Variants in EXOC4 observed in about 807,000 individuals in gnomAD.
EXOC4 encodes the protein SEC8-like 1.
Under a neutral mutation model 107.2 loss-of-function variants are expected in EXOC4, and 71 were observed. The observed-to-expected ratio is 0.66, with a 90% CI of 0.55 to 0.81. EXOC4 has a LOEUF of 0.81. EXOC4 is among the 30% of genes least tolerant of loss of function. The pLI, the probability that EXOC4 is intolerant of heterozygous loss-of-function variation, is 0.00. For synonymous variants in EXOC4, 456 were observed against 441.2 expected, an observed-to-expected ratio of 1.03 and a Z score of -0.42; for missense variants, 1,108 against 1,189.6, an observed-to-expected ratio of 0.93 and a Z score of 1.01.
intron 11 of EXOC4, among the ~76,000 whole-genome samples, chr7:133,865,258 A>T (rs1798612737): frequency 1.3e-5 from 2 of 152,174 alleles, no homozygotes; most frequent in African/African-American, 4.8e-5. Context: ...AGAATAAGAA[A>T]TTCATTGGCA....
intron 17 of EXOC4, among the ~76,000 whole-genome samples, chr7:134,033,244 A>G (rs889497996): frequency 6.6e-6 from 1 of 152,188 alleles, no homozygotes; most frequent in Admixed American, 6.5e-5. Flanking sequence ...AATTTTCTAG[A>G]CATAAAAATA....
chr7:133,654,910 A>C (rs2151039000), intron 10 of EXOC4, among the ~76,000 whole-genome samples: 1 of 152,280 alleles, frequency 6.6e-6, no homozygotes, highest in South Asian at 2.1e-4. Context: ...TTAAACATCT[A>C]AATATAGAAA....
the EXOC4 span, among the ~76,000 whole-genome samples, chr7:134,082,439 T>A: frequency 6.6e-6 from 1 of 152,140 alleles, no homozygotes; most frequent in Non-Finnish European, 1.5e-5. Context: ...AACCTAGTTT[T>A]TATAGTTGTT....
chr7:133,701,262 A>C (rs1794650147), intron 10 of EXOC4, among the ~76,000 whole-genome samples: 1 of 152,212 alleles, frequency 6.6e-6, no homozygotes, highest in Non-Finnish European at 1.5e-5. Context: ...AGTGCAAGAG[A>C]CTTCATAATT....
At chr7:133,657,446 G>A (rs1296919428) in intron 10 of EXOC4, among the ~76,000 whole-genome samples, 2 of 152,078 alleles carry the variant, frequency 1.3e-5, no homozygotes, top group Non-Finnish European at 2.9e-5. Flanking sequence ...TTACTAAAGA[G>A]GGTCATTATA....
intron 7 of EXOC4, among the ~76,000 whole-genome samples, chr7:133,446,741 T>C (rs941220897): frequency 2.0e-5 from 3 of 152,216 alleles, no homozygotes; most frequent in Non-Finnish European, 4.4e-5. Context: ...TCAGAAGCCA[T>C]GGACTGGATC....
chr7:133,261,673 T>G (rs1260820931), intron 1 of EXOC4, among the ~76,000 whole-genome samples: 1 of 152,210 alleles, frequency 6.6e-6, no homozygotes, highest in African/African-American at 2.4e-5. Flanking sequence ...CAATTTGGTC[T>G]TCTCAGGCCT....
At chr7:133,338,815 G>A (rs890781203) in intron 5 of EXOC4, among the ~76,000 whole-genome samples, 26 of 146,780 alleles carry the variant, frequency 1.8e-4, no homozygotes, top group African/African-American at 6.5e-4. Context: ...GTGCAATGGG[G>A]CGATCTCAGC....
At chr7:133,671,375 C>T (rs1472041380) in intron 10 of EXOC4, among the ~76,000 whole-genome samples, 1 of 151,944 alleles carries the variant, frequency 6.6e-6, no homozygotes, top group African/African-American at 2.4e-5. Flanking sequence ...ACCAGCCTGG[C>T]CAACATGGCG....
chr7:133,293,834 C>T (rs1009780523), intron 3 of EXOC4, among the ~76,000 whole-genome samples: 4 of 152,114 alleles, frequency 2.6e-5, no homozygotes, highest in South Asian at 4.1e-4. Context: ...AGCCTGTATC[C>T]GTCACATTGA....
At chr7:134,054,797 A>G (rs980890288) in intron 17 of EXOC4, among the ~76,000 whole-genome samples, 1 of 152,250 alleles carries the variant, frequency 6.6e-6, no homozygotes, top group African/African-American at 2.4e-5. Context: ...TAGTCTTTTC[A>G]TCCACCAAAT....
rs559621651 is a variant in EXOC4, at chr7:133,849,757, C to T, written c.1734+32213C>T. Among the ~76,000 whole-genome samples the T allele has an allele frequency of 2.0e-5, 3 of 152,296 alleles. No homozygotes were observed. In the South Asian group the frequency reaches 6.2e-4, roughly 32 times the overall value. Reference sequence around the variant, plus strand: ...TTGCTCACCATTGTATCTCTAATGCCTAACACGTAGTAGGTACTCAAGTAT... The same window carrying T: ...TTGCTCACCATTGTATCTCTAATGCTTAACACGTAGTAGGTACTCAAGTAT... On this transcript the variant is annotated intron_variant, in intron 11 of 17. Coordinates refer to ENST00000253861, the MANE Select transcript of EXOC4 (RefSeq NM_021807.4).
At position 133,971,619 on chromosome 7, in the gene EXOC4, G is replaced by A. The variant is rs552990048; in HGVS notation, c.2207-25873G>A. Among the ~76,000 whole-genome samples, 20 of 151,878 alleles carry A rather than the reference G, an allele frequency of 1.3e-4. No individual in the cohort carries two copies. The South Asian group carries it at 2.1e-3, about 16-fold the overall frequency. On this transcript the variant is annotated intron_variant, in intron 14 of 17. Transcript: ENST00000253861. ...AATGGAAAACAAACCTTTTTTAAAG[G>A]AGTAATTGCCTCCTTAAAAGTGCTG...
At chr7:133,587,326 GA>G (rs1322266457) in intron 9 of EXOC4, among the ~76,000 whole-genome samples, 1 of 152,168 alleles carries the variant, frequency 6.6e-6, no homozygotes, top group Non-Finnish European at 1.5e-5. Context: ...ATGAAAACGA[GA>G]AGAATAAAGA....
At chr7:133,743,151 C>T (rs998110841) in intron 10 of EXOC4, among the ~76,000 whole-genome samples, 2 of 152,136 alleles carry the variant, frequency 1.3e-5, no homozygotes, top group Non-Finnish European at 2.9e-5. Flanking sequence ...TCAGTCAATA[C>T]TTGTATATTA....
rs142249413 is a variant in EXOC4 at position 133,921,797 on chromosome 7, T to C, written c.2027+4059T>C. Among the ~76,000 whole-genome samples, 662 of 152,236 alleles carry C rather than the reference T, an allele frequency of 4.3e-3. 2 individuals are homozygous for C. Among genetic ancestry groups the C allele is most frequent in the African/African-American group, 0.015 (638 of 41,566 alleles). On this transcript the variant is annotated intron_variant, in intron 13 of 17. Coordinates refer to ENST00000253861, the MANE Select transcript of EXOC4 (RefSeq NM_021807.4). ...TTATTCTGTTGCTTTTTCTCTTTCT[T>C]CTCCTTCTGATATTCCCATTATGCA... is the stretch of plus-strand genomic sequence containing the variant.
intron 9 of EXOC4, among the ~76,000 whole-genome samples, chr7:133,517,933 A>G (rs1799910136): frequency 1.3e-5 from 2 of 151,870 alleles, no homozygotes; most frequent in South Asian, 4.1e-4. Context: ...AACATCAAAC[A>G]TTTTTATTGT....
At chr7:133,522,601 T>C (rs989342242) in intron 9 of EXOC4, among the ~76,000 whole-genome samples, 3 of 152,152 alleles carry the variant, frequency 2.0e-5, no homozygotes, top group Non-Finnish European at 4.4e-5. Context: ...GGCACAATTA[T>C]AGTGTTACTA....
downstream of EXOC4, among the ~76,000 whole-genome samples, chr7:134,067,803 G>A (rs141765285): frequency 1.7e-4 from 26 of 152,120 alleles, no homozygotes; most frequent in African/African-American, 6.3e-4. Flanking sequence ...GTGATATTGT[G>A]CCCCTTACCC....
Sources: gnomAD v4.1 joint callset for allele counts (sites outside exome capture counted in the v4.1 genomes callset) on GRCh38, gnomAD v4.1.1 for gene constraint, MANE v1.5 for transcripts, NCBI Gene and HGNC (gene_info 2026-07-23, HGNC 2026-07-21) for gene names.